NUBPL: variants seen among roughly 807,000 people sequenced by gnomAD.
NUBPL encodes the protein NUBP iron-sulfur cluster assembly factor, mitochondrial.
NUBPL carries 31 observed loss-of-function variants against 45.7 expected under a neutral mutation model. That is an observed-to-expected ratio of 0.68 (90% CI 0.51 to 0.92). NUBPL has a LOEUF of 0.92. Among genes scored for constraint, NUBPL ranks in the 40% least tolerant of loss-of-function variants. The probability of loss-of-function intolerance (pLI) is 0.00; values close to 1 mark genes in which losing one functional copy is unlikely to be tolerated. For synonymous variants in NUBPL, 144 were observed against 140.9 expected, an observed-to-expected ratio of 1.02 and a Z score of -0.15; for missense variants, 401 against 398.7, an observed-to-expected ratio of 1.01 and a Z score of -0.05.
At chr14:31,837,020 A>G (rs572180218) in intron 8 of NUBPL, among the ~76,000 whole-genome samples, 2 of 152,318 alleles carry the variant, frequency 1.3e-5, no homozygotes, top group South Asian at 4.1e-4. Flanking sequence ...TCTGTCTTGT[A>G]TATTTTTAAA....
At chr14:31,749,284 A>G (rs573677942) in intron 6 of NUBPL, among the ~76,000 whole-genome samples, 83 of 152,124 alleles carry the variant, frequency 5.5e-4, no homozygotes, top group Admixed American at 4.6e-4. Context: ...TCAGCTGTGT[A>G]TCTGTTCTAC....
chr14:31,766,367 G>A (rs769452788), intron 6 of NUBPL, among the ~76,000 whole-genome samples: 8 of 152,118 alleles, frequency 5.3e-5, no homozygotes, highest in Non-Finnish European at 8.8e-5. Context: ...AGCAGCCTCC[G>A]GTTGGAAGGC....
At chr14:31,663,834 T>C (rs958336748) in intron 4 of NUBPL, among the ~76,000 whole-genome samples, 15 of 152,238 alleles carry the variant, frequency 9.9e-5, no homozygotes, top group Admixed American at 6.5e-4. Flanking sequence ...TTGGGCAGTA[T>C]GGCCATTTTC....
rs971748665 is a variant in NUBPL at position 31,759,182 on chromosome 14, G to A, written c.514-28598G>A. Among the ~76,000 whole-genome samples, 9 of 152,108 alleles carry A rather than the reference G, an allele frequency of 5.9e-5. No individual in the cohort carries two copies. In the East Asian group the frequency reaches 1.5e-3, roughly 26 times the overall value. On this transcript the variant is annotated intron_variant, in intron 6 of 10. Transcript: ENST00000281081. ...ACAGTTTTTATTCTGAGAAGATTTT[G>A]TAATTTGTTTATTCTTTTTTAAATT...
At chr14:31,857,289 T>C (rs2040637967) in intron 10 of NUBPL, among the ~76,000 whole-genome samples, 2 of 152,048 alleles carry the variant, frequency 1.3e-5, no homozygotes, top group Admixed American at 6.6e-5. Context: ...AAGTCCCTAG[T>C]CTCCACACAA....
intron 4 of NUBPL, among the ~76,000 whole-genome samples, chr14:31,633,792 T>C (rs1351621407): frequency 1.3e-5 from 2 of 152,198 alleles, no homozygotes; most frequent in Non-Finnish European, 1.5e-5. Flanking sequence ...CTAATTCTTT[T>C]TCCTTTGATA....
intron 6 of NUBPL, among the ~76,000 whole-genome samples, chr14:31,717,404 C>T (rs2037713295): frequency 6.6e-6 from 1 of 152,168 alleles, no homozygotes; most frequent in Admixed American, 6.5e-5. Context: ...GAAAGGGCCA[C>T]ACATTCTCTT....
chr14:31,779,396 T>C (rs1470706775), intron 6 of NUBPL, among the ~76,000 whole-genome samples: 1 of 151,754 alleles, frequency 6.6e-6, no homozygotes, highest in Non-Finnish European at 1.5e-5. Context: ...TGGCTTATGA[T>C]GTGACTTGAA....
At chr14:31,568,220 G>A (rs1443430183) in intron 3 of NUBPL, among the ~76,000 whole-genome samples, 1 of 152,120 alleles carries the variant, frequency 6.6e-6, no homozygotes, top group African/African-American at 2.4e-5. Flanking sequence ...TAAATTTGTA[G>A]GTGTGGACCT....
chr14:31,622,098 C>G (rs566544174), intron 4 of NUBPL, among the ~76,000 whole-genome samples: 49 of 152,270 alleles, frequency 3.2e-4, no homozygotes, highest in African/African-American at 1.0e-3. Flanking sequence ...GTCACTCTTG[C>G]TATGCTTTAG....
At chr14:31,621,141 G>T (rs940351290) in intron 4 of NUBPL, among the ~76,000 whole-genome samples, 2 of 152,148 alleles carry the variant, frequency 1.3e-5, no homozygotes, top group African/African-American at 4.8e-5. Flanking sequence ...CCCTACGAAG[G>T]TCGAGCGTCC....
chr14:31,571,573 C>T (rs2033585798), intron 3 of NUBPL, among the ~76,000 whole-genome samples: 1 of 152,066 alleles, frequency 6.6e-6, no homozygotes, highest in Non-Finnish European at 1.5e-5. Flanking sequence ...CCTCAGCCTC[C>T]CAAGTAGCTG....
intron 3 of NUBPL, among the ~76,000 whole-genome samples, chr14:31,587,990 T>C (rs1251166964): frequency 6.6e-6 from 1 of 152,230 alleles, no homozygotes; most frequent in African/African-American, 2.4e-5. Context: ...CCTGCTTCCG[T>C]GCATAAAGAG....
chr14:31,644,280 G>A (rs2035785469), intron 4 of NUBPL, among the ~76,000 whole-genome samples: 1 of 151,718 alleles, frequency 6.6e-6, no homozygotes. Flanking sequence ...TTAAAATGTA[G>A]GTGTTTATTG....
intron 6 of NUBPL, among the ~76,000 whole-genome samples, chr14:31,680,159 C>T (rs140456741): frequency 1.5e-3 from 225 of 152,144 alleles, no homozygotes; most frequent in Middle Eastern, 0.014. Flanking sequence ...CTTGTGTGTA[C>T]ATTTATGTTG....
At chr14:31,562,264 G>C in intron 2 of NUBPL, 49 bp downstream of exon 2, 1 of 1,503,162 alleles carries the variant, frequency 6.7e-7, no homozygotes. Context: ...TATGCCAACA[G>C]ACAAGTGCAC....
At chr14:31,853,442 G>A (rs541102101) in intron 10 of NUBPL, among the ~76,000 whole-genome samples, 3 of 152,174 alleles carry the variant, frequency 2.0e-5, no homozygotes, top group South Asian at 2.1e-4. Context: ...TTAGCTTTTT[G>A]TCTTCCTTCT....
chr14:31,638,815 C>T (rs1404204449), intron 4 of NUBPL, among the ~76,000 whole-genome samples: 1 of 152,196 alleles, frequency 6.6e-6, no homozygotes, highest in East Asian at 1.9e-4. Context: ...AACTTCCCTT[C>T]TCGCTTCATT....
At chr14:31,754,855 C>G (rs1216413556) in intron 6 of NUBPL, among the ~76,000 whole-genome samples, 1 of 107,866 alleles carries the variant, frequency 9.3e-6, no homozygotes, top group Non-Finnish European at 1.8e-5. Flanking sequence ...CCCCTCCCCC[C>G]ACCCCACAAC....
Sources: gnomAD v4.1 joint callset for allele counts (sites outside exome capture counted in the v4.1 genomes callset) on GRCh38, gnomAD v4.1.1 for gene constraint, MANE v1.5 for transcripts, NCBI Gene and HGNC (gene_info 2026-07-23, HGNC 2026-07-21) for gene names.